Variants in MGA observed in about 807,000 individuals in gnomAD.
MGA encodes MAX gene-associated protein.
A neutral mutation model predicts 261.1 loss-of-function variants in MGA; 40 were observed. The ratio of observed to expected loss-of-function variants is 0.15; its 90% CI spans 0.12 to 0.20. The LOEUF (loss-of-function observed/expected upper bound fraction) is 0.20, where lower values mean the gene tolerates loss of function less well. Ranked by LOEUF, MGA falls within the 10% of genes least tolerant of loss-of-function variation. The pLI, the probability that MGA is intolerant of heterozygous loss-of-function variation, is 1.00. For missense variants in MGA, 3,397 were observed against 3,630.5 expected, an observed-to-expected ratio of 0.94 and a Z score of 1.65; for synonymous variants, 1,302 against 1,290.6, an observed-to-expected ratio of 1.01 and a Z score of -0.19.
rs777565797 is a variant in MGA, at chr15:41,749,230, T to A, written c.5623T>A (p.Ser1875Thr). 6 of 1,613,914 alleles carry A rather than the reference T, an allele frequency of 3.7e-6. No individual in the cohort carries two copies. The African/African-American group carries it at 6.7e-5, about 18-fold the overall frequency. ...TGTAATTCAAGCTGTTGGGTCTTCT[T>A]CAGCAGTGAATGTTATCACTCAGGC... Residue 1875 changes from serine to threonine, a missense_variant, in exon 17 of 24, where the codon TCA becomes ACA. Around this residue, in one of 9 missense-constraint regions of MGA, gnomAD observed 1,410 missense variants for 1,386.4 expected, o/e 1.02. Transcript: ENST00000219905.
Position 41,692,855 on chromosome 15 carries a change from G to A in MGA, c.1065-3220G>A, listed in dbSNP as rs185165500. Among the ~76,000 whole-genome samples the A allele has an allele frequency of 5.0e-4, 76 of 152,280 alleles. 1 individual carries two copies. In the East Asian group the frequency reaches 0.012, roughly 25 times the overall value. ...GCCTCCCGAGTAGCTGGGATTACAGGTGTGTGCCACTGCATCCAGCTAATG... is the reference window on the plus strand; with the variant it reads ...GCCTCCCGAGTAGCTGGGATTACAGATGTGTGCCACTGCATCCAGCTAATG... On this transcript the variant is annotated intron_variant, in intron 2 of 23. Coordinates refer to ENST00000219905, the MANE Select transcript of MGA (RefSeq NM_001164273.2).
chr15:41,712,401 A>G (rs866867564), intron 8 of MGA, among the ~76,000 whole-genome samples: 33 of 152,248 alleles, frequency 2.2e-4, no homozygotes, highest in Admixed American at 7.9e-4. Context: ...TATTAAAAAT[A>G]CAAATGGGGT....
chr15:41,639,733 A>G (rs974517173), intron 1 of MGA, among the ~76,000 whole-genome samples: 1 of 151,696 alleles, frequency 6.6e-6, no homozygotes, highest in Non-Finnish European at 1.5e-5. Flanking sequence ...TATTGTTAGT[A>G]GAGACGGGGT....
At chr15:41,670,405 G>A (rs1372244797) in intron 2 of MGA, among the ~76,000 whole-genome samples, 1 of 152,188 alleles carries the variant, frequency 6.6e-6, no homozygotes, top group African/African-American at 2.4e-5. Context: ...CATAAAAGTA[G>A]AAAGTAGAAT....
chr15:41,724,477 G>T (rs906850137), intron 9 of MGA, among the ~76,000 whole-genome samples: 1 of 152,190 alleles, frequency 6.6e-6, no homozygotes, highest in Non-Finnish European at 1.5e-5. Flanking sequence ...ATATTTGAAT[G>T]CATAAATGAA....
Position 41,713,528 on chromosome 15 carries a change from A to T in MGA, c.3430+32A>T, listed in dbSNP as rs1022634612. The T allele has an allele frequency of 5.4e-6, 8 of 1,488,992 alleles. No homozygotes were observed. In the East Asian group the frequency reaches 2.0e-4, roughly 37 times the overall value. 92.2% of individuals were successfully genotyped at this position (1,488,992 alleles called of 1,614,324 possible). ...ATTAATTGAGAGTTAAAACTGTGCC[A>T]TATCAGTTTTTGGAAAAGTATGGTT... On this transcript the variant is annotated intron_variant, in intron 9 of 23. Coordinates refer to ENST00000219905, the MANE Select transcript of MGA (RefSeq NM_001164273.2).
intron 1 of MGA, among the ~76,000 whole-genome samples, chr15:41,648,441 A>G (rs1447259535): frequency 1.3e-5 from 2 of 152,252 alleles, no homozygotes; most frequent in East Asian, 3.8e-4. Flanking sequence ...TGGAGGAGAC[A>G]TTGAATAATC....
intron 1 of MGA, among the ~76,000 whole-genome samples, chr15:41,639,630 C>T (rs971873791): frequency 3.3e-5 from 5 of 151,856 alleles, no homozygotes; most frequent in African/African-American, 4.8e-5. Context: ...CTGCAAGCAC[C>T]GTCTCCTAGG....
intron 2 of MGA, 53 bp from the exon 3 acceptor site, chr15:41,696,022 T>G: frequency 7.7e-7 from 1 of 1,292,956 alleles, no homozygotes; most frequent in Non-Finnish European, 1.1e-6. Context: ...CTTCAAGTCT[T>G]GTTAATGGAT....
In MGA at chr15:41,763,743, GAAACAAAACA is replaced by G. The variant is rs201852824; in HGVS notation, c.7745-1124_7745-1115del. Among the ~76,000 whole-genome samples, 37 of 152,036 alleles carry G rather than the reference GAAACAAAACA, an allele frequency of 2.4e-4. 1 individual carries two copies. The East Asian group carries it at 6.0e-3, about 25-fold the overall frequency. On this transcript the variant is annotated intron_variant, in intron 22 of 23. Transcript: ENST00000219905. ...GGGCAACAAGCACGAAACTCTGTCT[GAAACAAAACA>G]AAACAAAACAAAACAAAAACCCCAA...
chr15:41,742,562 T>C lies in MGA; in HGVS notation c.4602T>C (p.Pro1534=). The C allele has an allele frequency of 6.2e-7, 1 of 1,613,364 alleles. No homozygotes were observed. The highest frequency in any genetic ancestry group is 2.2e-5 in the East Asian group (1 of 44,868). ...TGTTTGCAGCGGCTCGACCCTCTCC[T>C]GGTGGTGTGTTCACACAGTTTGTGA... Residue 1534 remains proline (P), a synonymous_variant, in exon 15 of 24, where the codon CCT becomes CCC. Transcript: ENST00000219905.
intron 2 of MGA, among the ~76,000 whole-genome samples, chr15:41,683,536 A>G (rs2058784750): frequency 6.8e-6 from 1 of 147,858 alleles, no homozygotes; most frequent in Admixed American, 6.7e-5. Flanking sequence ...TCTCTTTTCC[A>G]GTGGATTTCT....
At position 41,713,490 on chromosome 15, in the gene MGA, G is replaced by C; in HGVS notation, c.3424G>C (p.Glu1142Gln). 6.5e-7 allele frequency: 1 copy of C among 1,541,490 alleles called. No homozygotes were observed. Among genetic ancestry groups the C allele is most frequent in the Non-Finnish European group, 8.7e-7 (1 of 1,145,344 alleles). Residue 1142 changes from glutamate to glutamine, a missense_variant, in exon 9 of 24, where the codon GAA becomes CAA. Glu to Gln is a conservative substitution (Grantham distance 29). Around this residue, in one of 9 missense-constraint regions of MGA, gnomAD observed 519 missense variants for 554.1 expected, o/e 0.94. Transcript: ENST00000219905. The stretch of plus-strand genomic sequence containing the variant: ...AGAGAAAAAGAAGAGAAAGAAGCTA[G>C]AATACAGTGAGTATTAATTGAGAGT...
chr15:41,702,147 C>T (rs1248413880), intron 5 of MGA, among the ~76,000 whole-genome samples: 1 of 152,038 alleles, frequency 6.6e-6, no homozygotes, highest in African/African-American at 2.4e-5. Flanking sequence ...TGGCGAAACT[C>T]CGTCTCTACT....
At chr15:41,639,537 A>G (rs1277816277) in intron 1 of MGA, among the ~76,000 whole-genome samples, 1 of 149,622 alleles carries the variant, frequency 6.7e-6, no homozygotes, top group Non-Finnish European at 1.5e-5. Flanking sequence ...AAATTAATTA[A>G]TTTATTTTTA....
Position 41,748,794 on chromosome 15 carries a change from G to T in MGA, c.5370G>T (p.Gln1790His), listed in dbSNP as rs745810304. Residue 1790 changes from glutamine (Q) to histidine (H), a missense_variant, in exon 16 of 24, where the codon CAG becomes CAT. This residue lies in a region of MGA where 1,410 missense variants were observed against 1,386.4 expected (regional missense o/e 1.02). Coordinates refer to ENST00000219905, the MANE Select transcript of MGA (RefSeq NM_001164273.2). ...TTCAGGGACATCGGATGGTCTTGCA[G>T]CCTGTTAGGAGTCCAAGTGGAATGA... is the stretch of plus-strand genomic sequence containing the variant. 5 of 1,613,974 alleles carry T rather than the reference G, an allele frequency of 3.1e-6. No homozygotes were observed. The Admixed American group carries it at 8.3e-5, about 27-fold the overall frequency.
intron 2 of MGA, among the ~76,000 whole-genome samples, chr15:41,675,876 G>A (rs778998642): frequency 3.9e-5 from 6 of 152,050 alleles, no homozygotes; most frequent in Non-Finnish European, 8.8e-5. Context: ...TATGATTTCT[G>A]TTATCTTTTA....
intron 10 of MGA, among the ~76,000 whole-genome samples, chr15:41,728,187 C>G (rs566103671): frequency 6.6e-6 from 1 of 152,036 alleles, no homozygotes; most frequent in Non-Finnish European, 1.5e-5. Flanking sequence ...AAAAATTAGC[C>G]GGGCGTGGTG....
intron 1 of MGA, among the ~76,000 whole-genome samples, chr15:41,653,297 AGGCC>A (rs1595576264): frequency 6.6e-6 from 1 of 151,580 alleles, no homozygotes; most frequent in East Asian, 1.9e-4. Context: ...TGAACCCGGG[AGGCC>A]AAGGTTGCAG....
Sources: gnomAD v4.1 joint callset for allele counts (sites outside exome capture counted in the v4.1 genomes callset) on GRCh38, gnomAD v4.1.1 for gene constraint, gnomAD v4.1.1 regional missense constraint, MANE v1.5 for transcripts, NCBI Gene and HGNC (gene_info 2026-07-23, HGNC 2026-07-21) for gene names.